Variants in RFWD3 observed in about 807,000 individuals in gnomAD.
RFWD3 encodes the protein E3 ubiquitin-protein ligase RFWD3.
RFWD3 carries 65 observed loss-of-function variants against 87.7 expected under a neutral mutation model. The ratio of observed to expected loss-of-function variants is 0.74; its 90% CI spans 0.61 to 0.91. The LOEUF (loss-of-function observed/expected upper bound fraction) is 0.91. RFWD3 is among the 40% of genes least tolerant of loss of function. The pLI is 0.00. For missense variants in RFWD3, 1,078 were observed against 938.5 expected (o/e 1.15, Z -1.94); for synonymous variants, 433 against 352.8 (o/e 1.23, Z -2.55).
chr16:74,639,251 T>C (rs905575836), intron 6 of RFWD3, among the ~76,000 whole-genome samples: 4 of 152,140 alleles, frequency 2.6e-5, no homozygotes, highest in African/African-American at 9.7e-5. Context: ...TTGCCCAGGC[T>C]GGTCTCAAAC....
At chr16:74,633,597 GGA>G (rs1959167294) in intron 8 of RFWD3, among the ~76,000 whole-genome samples, 1 of 152,164 alleles carries the variant, frequency 6.6e-6, no homozygotes, top group African/African-American at 2.4e-5. Flanking sequence ...GCTGGGGATG[GGA>G]GAGGAGGGAG....
chr16:74,632,266 C>G (rs1201625027), intron 9 of RFWD3, among the ~76,000 whole-genome samples: 1 of 152,040 alleles, frequency 6.6e-6, no homozygotes, highest in African/African-American at 2.4e-5. Flanking sequence ...GTTGCAGGCG[C>G]CTGTAGTCCT....
intron 6 of RFWD3, 40 bp downstream of exon 6, chr16:74,644,321 CA>C (rs751156403): frequency 1.5e-5 from 24 of 1,599,772 alleles, no homozygotes; most frequent in Non-Finnish European, 2.1e-5. Flanking sequence ...TACAATGAAC[CA>C]AAAGGGAACA....
intron 4 of RFWD3, among the ~76,000 whole-genome samples, chr16:74,648,698 G>A (rs998103837): frequency 6.6e-6 from 1 of 151,686 alleles, no homozygotes; most frequent in Non-Finnish European, 1.5e-5. Flanking sequence ...CTTAAACACG[G>A]GAGGCAGAGG....
chr16:74,657,123 C>T (rs1441378304), intron 2 of RFWD3, among the ~76,000 whole-genome samples: 2 of 152,136 alleles, frequency 1.3e-5, no homozygotes, highest in Non-Finnish European at 2.9e-5. Context: ...TCCAGAGAAC[C>T]ACCAACAGGT....
Position 74,644,622 on chromosome 16 carries a change from G to A in RFWD3, c.906C>T (p.Leu302=). The part of the protein sequence containing the change: ...EQWTNAGDHR[L]SALRCGHLFG... ...AGAGATGCCCACAGCGTAATGCTGA[G>A]AGCCGGTGGTCCCCAGCATTGGTCC... The change falls in exon 5 of 13, where the codon CTC becomes CTT. Residue 302 remains leucine (L), a synonymous_variant. Transcript: ENST00000361070. The A allele has an allele frequency of 1.9e-6, 3 of 1,614,196 alleles. No homozygotes were observed. The highest frequency in any genetic ancestry group is 2.5e-6 in the Non-Finnish European group (3 of 1,180,046).
intron 2 of RFWD3, among the ~76,000 whole-genome samples, chr16:74,656,773 A>T (rs960529113): frequency 6.6e-6 from 1 of 152,182 alleles, no homozygotes; most frequent in Non-Finnish European, 1.5e-5. Context: ...ACCATCCTTG[A>T]TGCCCCTAAG....
At chr16:74,653,034 GAC>G (rs148112381) in intron 2 of RFWD3, among the ~76,000 whole-genome samples, 1 of 151,744 alleles carries the variant, frequency 6.6e-6, no homozygotes, top group African/African-American at 2.4e-5. Flanking sequence ...AGGATCTAGG[GAC>G]ACACACACAC....
intron 3 of RFWD3, among the ~76,000 whole-genome samples, chr16:74,650,498 C>A (rs1465882045): frequency 6.6e-6 from 1 of 151,860 alleles, no homozygotes; most frequent in African/African-American, 2.4e-5. Flanking sequence ...CTAAGATTGA[C>A]CAATGGGTTC....
chr16:74,634,635 C>T (rs116512542), intron 8 of RFWD3, among the ~76,000 whole-genome samples: 19,037 of 152,108 alleles, frequency 0.13, 1,449 homozygotes, highest in Admixed American at 0.23. Context: ...ACGATCCTCC[C>T]GCCTTGGCCT....
intron 12 of RFWD3, among the ~76,000 whole-genome samples, chr16:74,624,968 C>T (rs771811419): frequency 1.3e-5 from 2 of 151,132 alleles, no homozygotes; most frequent in Non-Finnish European, 3.0e-5. Context: ...CAGCCTGGAC[C>T]GAGTAAGATA....
chr16:74,626,561 G>A lies in RFWD3; in HGVS notation c.1970-7C>T, dbSNP rs373621395. ...ATGGTGGTGTGATTTTTATCTATGG[G>A]ACAGAGAAATCAGTGCTGCACCATG... On this transcript the variant is annotated splice_region_variant and splice_polypyrimidine_tract_variant and intron_variant, in intron 11 of 12. Transcript: ENST00000361070. The A allele has an allele frequency of 5.5e-5, 89 of 1,611,876 alleles. No individual in the cohort carries two copies. Among genetic ancestry groups the A allele is most frequent in the Non-Finnish European group, 7.0e-5 (82 of 1,178,170 alleles).
In RFWD3 at chr16:74,642,003, TA is replaced by T. The variant is rs150855269; in HGVS notation, c.1079+2358del. ...AAAACTTTCTATATCATACTATGTA[TA>T]ATTTACAAATACATATATAGCTAAT... is the stretch of plus-strand genomic sequence containing the variant. On this transcript the variant is annotated intron_variant, in intron 6 of 12. Coordinates refer to ENST00000361070, the MANE Select transcript of RFWD3 (RefSeq NM_018124.4). Among the ~76,000 whole-genome samples, 1,184 of 148,318 alleles carry T rather than the reference TA, an allele frequency of 8.0e-3. 6 individuals are homozygous for T. Among genetic ancestry groups the T allele is most frequent in the Middle Eastern group, 0.021 (6 of 288 alleles).
chr16:74,645,914 G>A (rs566788674), intron 4 of RFWD3, among the ~76,000 whole-genome samples: 7 of 151,310 alleles, frequency 4.6e-5, no homozygotes, highest in African/African-American at 7.3e-5. Context: ...CACCAAGCCC[G>A]ATTTTGTGTA....
Position 74,623,707 on chromosome 16 carries a change from T to C in RFWD3, c.*221A>G, listed in dbSNP as rs559317114. 2.1e-6 allele frequency: 1 copy of C among 475,916 alleles called. No homozygotes were observed. Among genetic ancestry groups the C allele is most frequent in the Non-Finnish European group, 3.7e-6 (1 of 270,324 alleles). 29.5% of individuals were successfully genotyped at this position (475,916 alleles called of 1,614,324 possible). A position where few individuals can be genotyped will look rare whatever the true frequency, so the allele number is the denominator to read the frequency against. The stretch of plus-strand genomic sequence containing the variant: ...GGCTTTAAACCCAAGAAATGGATAA[T>C]GTAGATAAAGTACCCATCAATTACT... On this transcript the variant is annotated 3_prime_UTR_variant, in exon 13 of 13. Transcript: ENST00000361070.
chr16:74,647,807 G>A (rs2144233640), intron 4 of RFWD3, among the ~76,000 whole-genome samples: 1 of 152,256 alleles, frequency 6.6e-6, no homozygotes, highest in Admixed American at 6.5e-5. Flanking sequence ...GGCCAGGCTG[G>A]TCTTGAACTC....
intron 1 of RFWD3, chr16:74,664,277 G>A (rs942901537): frequency 6.6e-5 from 10 of 152,048 alleles, no homozygotes; most frequent in African/African-American, 2.2e-4. Context: ...TGTTTCTAGG[G>A]TACAACGACA....
chr16:74,656,948 T>A (rs1341081234), intron 2 of RFWD3, among the ~76,000 whole-genome samples: 1 of 152,246 alleles, frequency 6.6e-6, no homozygotes, highest in African/African-American at 2.4e-5. Context: ...TTAGAAGATG[T>A]GACTGAATTG....
chr16:74,640,961 G>C (rs1222198231), intron 6 of RFWD3, among the ~76,000 whole-genome samples: 1 of 151,800 alleles, frequency 6.6e-6, no homozygotes, highest in Non-Finnish European at 1.5e-5. Flanking sequence ...ATTCACAAAG[G>C]TATGAAAAAA....
Sources: gnomAD v4.1 joint callset for allele counts (sites outside exome capture counted in the v4.1 genomes callset) on GRCh38, gnomAD v4.1.1 for gene constraint, MANE v1.5 for transcripts, NCBI Gene and HGNC (gene_info 2026-07-23, HGNC 2026-07-21) for gene names.